The following TMEM132B variants were observed in gnomAD, a reference collection of about 807,000 sequenced individuals.
TMEM132B encodes transmembrane protein 132B.
In TMEM132B, 18 loss-of-function variants were observed where a neutral mutation model predicts 90.8. That is an observed-to-expected ratio of 0.20 (90% CI 0.14 to 0.29). The LOEUF is 0.29. Among genes scored for constraint, TMEM132B ranks in the 10% least tolerant of loss-of-function variants. TMEM132B has a pLI of 1.00. For missense variants in TMEM132B, 1,096 were observed against 1,326.8 expected, an observed-to-expected ratio of 0.83 and a Z score of 2.70; for synonymous variants, 504 against 523.3, an observed-to-expected ratio of 0.96 and a Z score of 0.50.
rs563922851 is a variant in TMEM132B, at chr12:125,509,751, G to A, written c.1107-9688G>A. On this transcript the variant is annotated intron_variant, in intron 3 of 8. Transcript: ENST00000682704. Reference sequence around the variant, plus strand: ...AACATTATGTTATGAATCAAAATCAGACCCCCAGTTCCAATCTGAGGTGAA... The same window carrying A: ...AACATTATGTTATGAATCAAAATCAAACCCCCAGTTCCAATCTGAGGTGAA... 1.6e-4 allele frequency among the ~76,000 whole-genome samples: 24 copies of A among 152,218 alleles called. 1 individual carries two copies. The highest frequency in any genetic ancestry group is 3.4e-3 in the Middle Eastern group (1 of 294).
intron 1 of TMEM132B, among the ~76,000 whole-genome samples, chr12:125,255,090 G>A (rs1874404684): frequency 6.6e-6 from 1 of 152,184 alleles, no homozygotes; most frequent in Non-Finnish European, 1.5e-5. Flanking sequence ...AGCAGCTGAG[G>A]GAGGGTGTTG....
In TMEM132B at chr12:125,486,406, T is replaced by G. The variant is rs959580239; in HGVS notation, c.1107-33033T>G. Among the ~76,000 whole-genome samples the G allele has an allele frequency of 4.6e-5, 7 of 152,286 alleles. No individual in the cohort carries two copies. The South Asian group carries it at 1.0e-3, about 23-fold the overall frequency. On this transcript the variant is annotated intron_variant, in intron 3 of 8. Coordinates refer to ENST00000682704, the MANE Select transcript of TMEM132B (RefSeq NM_001366854.1). ...TGGGATTAAATCTTGGACCTGCCAT[T>G]TGTTGGCTGTGTCACCTTGGGTAAG...
chr12:125,471,173 C>T (rs750362413), intron 3 of TMEM132B, among the ~76,000 whole-genome samples: 4 of 152,202 alleles, frequency 2.6e-5, no homozygotes, highest in African/African-American at 7.2e-5. Flanking sequence ...GGGGATTTGC[C>T]GAGTGGAATA....
At chr12:125,634,699 G>C (rs1372373518) in intron 5 of TMEM132B, among the ~76,000 whole-genome samples, 1 of 152,164 alleles carries the variant, frequency 6.6e-6, no homozygotes, top group Non-Finnish European at 1.5e-5. Flanking sequence ...CTGGCCCAGG[G>C]TATGTCTAGT....
chr12:125,416,387 C>T (rs565154154), intron 3 of TMEM132B, among the ~76,000 whole-genome samples: 13 of 152,366 alleles, frequency 8.5e-5, no homozygotes, highest in Admixed American at 7.2e-4. Flanking sequence ...GCTTTAAAAC[C>T]TCTGGCTCCT....
intron 3 of TMEM132B, among the ~76,000 whole-genome samples, chr12:125,480,052 G>A (rs938503278): frequency 1.3e-5 from 2 of 152,134 alleles, no homozygotes; most frequent in Admixed American, 6.6e-5. Flanking sequence ...GATGTTCTTC[G>A]AAACTAATGA....
intron 3 of TMEM132B, among the ~76,000 whole-genome samples, chr12:125,467,741 T>G (rs1881606633): frequency 6.6e-6 from 1 of 152,222 alleles, no homozygotes; most frequent in Non-Finnish European, 1.5e-5. Context: ...AACACCTATA[T>G]CCAGTAAGTA....
intron 5 of TMEM132B, among the ~76,000 whole-genome samples, chr12:125,606,362 A>G (rs959288146): frequency 6.8e-6 from 1 of 147,180 alleles, no homozygotes; most frequent in Non-Finnish European, 1.5e-5. Context: ...TGATGTGTGC[A>G]TATGTGTGTA....
In TMEM132B at chr12:125,574,422, A is replaced by G. The variant is rs144442140; in HGVS notation, c.1294-9429A>G. ...CGTCCAATGGGGTTTCAGATTCCCA[A>G]CGTGGAAGGAGTTGCTGCTATCTTT... On this transcript the variant is annotated intron_variant, in intron 4 of 8. Coordinates refer to ENST00000682704, the MANE Select transcript of TMEM132B (RefSeq NM_001366854.1). Among the ~76,000 whole-genome samples the G allele has an allele frequency of 1.1e-4, 16 of 152,232 alleles. No individual in the cohort carries two copies. In the East Asian group the frequency reaches 1.5e-3, roughly 15 times the overall value.
intron 1 of TMEM132B, among the ~76,000 whole-genome samples, chr12:125,265,632 G>A (rs1874673969): frequency 6.6e-6 from 1 of 152,034 alleles, no homozygotes; most frequent in African/African-American, 2.4e-5. Context: ...ATGAAAACAG[G>A]GGCCTCTGCA....
chr12:125,483,340 G>C (rs556363094), intron 3 of TMEM132B, among the ~76,000 whole-genome samples: 1 of 152,222 alleles, frequency 6.6e-6, no homozygotes, highest in South Asian at 2.1e-4. Flanking sequence ...CTGTGTTTTA[G>C]TGGTTTACAG....
intron 2 of TMEM132B, among the ~76,000 whole-genome samples, chr12:125,358,641 C>G (rs1180031866): frequency 1.3e-5 from 2 of 152,068 alleles, no homozygotes; most frequent in East Asian, 3.9e-4. Context: ...GAGGATGTAC[C>G]TGTTTGGCCA....
chr12:125,324,801 G>A (rs1207015548), intron 1 of TMEM132B, among the ~76,000 whole-genome samples: 1 of 152,196 alleles, frequency 6.6e-6, no homozygotes, highest in Admixed American at 6.5e-5. Flanking sequence ...CACTGCCCTA[G>A]AGTGACAACT....
intron 2 of TMEM132B, among the ~76,000 whole-genome samples, chr12:125,385,975 A>T (rs1356842303): frequency 6.6e-6 from 1 of 152,106 alleles, no homozygotes; most frequent in Non-Finnish European, 1.5e-5. Context: ...CAAGTAATGA[A>T]GTGCTTGTTT....
At chr12:125,539,124 C>T (rs1592982259) in intron 4 of TMEM132B, among the ~76,000 whole-genome samples, 1 of 152,176 alleles carries the variant, frequency 6.6e-6, no homozygotes, top group Non-Finnish European at 1.5e-5. Flanking sequence ...TTGTATGAGT[C>T]CCCTGATGAA....
intron 5 of TMEM132B, among the ~76,000 whole-genome samples, chr12:125,603,238 G>T (rs955971564): frequency 1.3e-5 from 2 of 152,146 alleles, no homozygotes; most frequent in African/African-American, 4.8e-5. Flanking sequence ...GAAACAGCAT[G>T]GTACTGGTAC....
At chr12:125,219,627 C>G (rs1167692992) in intron 1 of TMEM132B, among the ~76,000 whole-genome samples, 2 of 152,216 alleles carry the variant, frequency 1.3e-5, no homozygotes, top group Non-Finnish European at 1.5e-5. Context: ...AGGCTCTGGG[C>G]TGCCCATCTC....
intron 2 of TMEM132B, among the ~76,000 whole-genome samples, chr12:125,412,425 G>T (rs547111484): frequency 6.6e-6 from 1 of 152,346 alleles, no homozygotes; most frequent in Non-Finnish European, 1.5e-5. Flanking sequence ...GGCAATAAAT[G>T]ATGCAATGTG....
chr12:125,558,268 C>T (rs567801667), intron 4 of TMEM132B, among the ~76,000 whole-genome samples: 48 of 152,146 alleles, frequency 3.2e-4, no homozygotes, highest in African/African-American at 9.9e-4. Context: ...ACTCAGTGGC[C>T]AGTGTGTTCT....
Sources: gnomAD v4.1 joint callset for allele counts (sites outside exome capture counted in the v4.1 genomes callset) on GRCh38, gnomAD v4.1.1 for gene constraint, MANE v1.5 for transcripts, NCBI Gene and HGNC (gene_info 2026-07-23, HGNC 2026-07-21) for gene names.